KIAA0825: variants seen among roughly 807,000 people sequenced by gnomAD.
The protein encoded by KIAA0825 is uncharacterized protein KIAA0825.
In KIAA0825, 119 loss-of-function variants were observed where a neutral mutation model predicts 147.6. The observed-to-expected ratio is 0.81, with a 90% confidence interval of 0.69 to 0.94. The LOEUF (loss-of-function observed/expected upper bound fraction) is 0.94. Ranked by LOEUF, KIAA0825 falls within the 40% of genes least tolerant of loss-of-function variation. KIAA0825 has a pLI of 0.00. For synonymous variants in KIAA0825, 470 were observed against 518.1 expected, an observed-to-expected ratio of 0.91 and a Z score of 1.26; for missense variants, 1,381 against 1,472.7, an observed-to-expected ratio of 0.94 and a Z score of 1.02.
In KIAA0825 at chr5:94,225,322, G is replaced by C. The variant is rs150539848; in HGVS notation, c.3711-71198C>G. 1.4e-3 allele frequency among the ~76,000 whole-genome samples: 216 copies of C among 152,298 alleles called. 1 individual carries two copies. Among genetic ancestry groups the C allele is most frequent in the African/African-American group, 4.7e-3 (195 of 41,562 alleles). On this transcript the variant is annotated intron_variant, in intron 20 of 20. Coordinates refer to ENST00000682413, the MANE Select transcript of KIAA0825 (RefSeq NM_001145678.3). Reference sequence around the variant, plus strand: ...TCTAGATTGAGAAGACAAAGGAGAAGATTATAACTCTTGGAAATATTGAAA... The same window carrying C: ...TCTAGATTGAGAAGACAAAGGAGAACATTATAACTCTTGGAAATATTGAAA...
rs536616155 is a variant in KIAA0825, at chr5:94,280,816, C to G, written c.3710+103552G>C. On this transcript the variant is annotated intron_variant, in intron 20 of 20. Transcript: ENST00000682413. ...GCAGACGGTTACTAAACACCACCAG[C>G]TGCTCCACAGGTTTGGAGTTTGGAA... Among the ~76,000 whole-genome samples the G allele has an allele frequency of 2.6e-5, 4 of 152,202 alleles. No individual in the cohort carries two copies. In the South Asian group the frequency reaches 6.2e-4, roughly 24 times the overall value.
chr5:94,172,037 T>C (rs1409181876), intron 20 of KIAA0825, among the ~76,000 whole-genome samples: 6 of 152,112 alleles, frequency 3.9e-5, no homozygotes, highest in Admixed American at 3.3e-4. Context: ...TTCTCAGACG[T>C]TGGGGAAATA....
intron 20 of KIAA0825, among the ~76,000 whole-genome samples, chr5:94,232,663 A>C (rs78558153): frequency 3.1e-3 from 473 of 152,248 alleles, no homozygotes; most frequent in Middle Eastern, 0.01. Flanking sequence ...TAGGGTAGAC[A>C]CTTTTGTAAT....
chr5:94,353,004 A>C (rs1242503944), intron 20 of KIAA0825, among the ~76,000 whole-genome samples: 1 of 152,182 alleles, frequency 6.6e-6, no homozygotes, highest in Non-Finnish European at 1.5e-5. Context: ...CGTGCACCAA[A>C]ATCTCACAAA....
At position 94,151,465 on chromosome 5, in the gene KIAA0825, A is replaced by AAGT. The variant is rs1766494153; in HGVS notation, c.*2539_*2541dup. On this transcript the variant is annotated 3_prime_UTR_variant, in exon 21 of 21. Transcript: ENST00000682413. ...AAAAAAAAAAAACATATTGAGTATA[A>AAGT]AGTCAAAATAATCTGATAAATCAAT... Among the ~76,000 whole-genome samples the AAGT allele has an allele frequency of 2.0e-5, 3 of 151,586 alleles. No individual in the cohort carries two copies. In the South Asian group the frequency reaches 6.2e-4, roughly 32 times the overall value.
At position 94,469,958 on chromosome 5, in the gene KIAA0825, C is replaced by CGGAA; in HGVS notation, c.1872+2_1872+3insTTCC. The CGGAA allele has an allele frequency of 1.3e-6, 2 of 1,543,390 alleles. No individual in the cohort carries two copies. The highest frequency in any genetic ancestry group is 1.8e-6 in the Non-Finnish European group (2 of 1,142,546). On this transcript the variant is annotated splice_region_variant and intron_variant, in intron 10 of 20. Coordinates refer to ENST00000682413, the MANE Select transcript of KIAA0825 (RefSeq NM_001145678.3). ...AGGAGGGATAGTAAACTTAACTTCA[C>CGGAA]ACCTCATAAAAAGCTTTGTAGTCAT...
intron 20 of KIAA0825, among the ~76,000 whole-genome samples, chr5:94,371,390 AC>A (rs1312555544): frequency 6.6e-6 from 1 of 152,194 alleles, no homozygotes; most frequent in African/African-American, 2.4e-5. Context: ...TGCTATAGGG[AC>A]ATACCCAAGA....
intron 2 of KIAA0825, among the ~76,000 whole-genome samples, chr5:94,553,693 G>A (rs1302396441): frequency 6.6e-6 from 1 of 151,510 alleles, no homozygotes; most frequent in South Asian, 2.1e-4. Context: ...TTGAACCTGG[G>A]AGGCGGAGGC....
chr5:94,587,968 T>G (rs746503876), intron 1 of KIAA0825, among the ~76,000 whole-genome samples: 1 of 152,154 alleles, frequency 6.6e-6, no homozygotes, highest in Non-Finnish European at 1.5e-5. Flanking sequence ...TAATAAATGG[T>G]GCTGGGAAAA....
chr5:94,390,760 A>G (rs941881476), intron 18 of KIAA0825, among the ~76,000 whole-genome samples: 1 of 152,248 alleles, frequency 6.6e-6, no homozygotes, highest in Non-Finnish European at 1.5e-5. Context: ...ATGTATGGTT[A>G]TAAGGCCTAC....
chr5:94,488,474 A>G (rs1584655944), intron 5 of KIAA0825, among the ~76,000 whole-genome samples: 1 of 152,170 alleles, frequency 6.6e-6, no homozygotes, highest in East Asian at 1.9e-4. Context: ...TTAAATTTTC[A>G]TTTTAGAGAA....
In KIAA0825 at chr5:94,463,463, C is replaced by T. The variant is rs189819069; in HGVS notation, c.2064-894G>A. Among the ~76,000 whole-genome samples the T allele has an allele frequency of 2.8e-3, 425 of 150,056 alleles. 1 individual carries two copies. The highest frequency in any genetic ancestry group is 0.01 in the African/African-American group (413 of 41,134). ...TTAGTTATGTGACATTTGGAGGCTACTGGAATACTAAAAGAATCAATAATA... is the reference window on the plus strand; with the variant it reads ...TTAGTTATGTGACATTTGGAGGCTATTGGAATACTAAAAGAATCAATAATA... On this transcript the variant is annotated intron_variant, in intron 11 of 20. Transcript: ENST00000682413.
intron 20 of KIAA0825, among the ~76,000 whole-genome samples, chr5:94,265,412 A>G (rs1473160395): frequency 1.3e-5 from 2 of 152,206 alleles, no homozygotes; most frequent in African/African-American, 4.8e-5. Flanking sequence ...ACCAATGGTA[A>G]GTAAAATCGC....
chr5:94,275,384 A>G (rs947940481), intron 20 of KIAA0825, among the ~76,000 whole-genome samples: 1 of 152,194 alleles, frequency 6.6e-6, no homozygotes, highest in Non-Finnish European at 1.5e-5. Flanking sequence ...TCATTAAAAC[A>G]TAAAGTAATA....
At chr5:94,397,942 T>G (rs1294237188) in intron 16 of KIAA0825, among the ~76,000 whole-genome samples, 1 of 151,852 alleles carries the variant, frequency 6.6e-6, no homozygotes, top group East Asian at 1.9e-4. Context: ...TTGGCCCTTC[T>G]CTCTCCCTCC....
At chr5:94,207,265 TGTGG>T (rs921016194) in intron 20 of KIAA0825, among the ~76,000 whole-genome samples, 1 of 152,208 alleles carries the variant, frequency 6.6e-6, no homozygotes, top group African/African-American at 2.4e-5. Context: ...TTATGAAATG[TGTGG>T]TCCCCAGAAA....
At chr5:94,451,529 T>G (rs1303369374) in intron 13 of KIAA0825, among the ~76,000 whole-genome samples, 1 of 152,198 alleles carries the variant, frequency 6.6e-6, no homozygotes, top group Non-Finnish European at 1.5e-5. Context: ...CATGTTCTAG[T>G]CTTTGTGTTA....
At chr5:94,334,206 G>A (rs1237025662) in intron 20 of KIAA0825, among the ~76,000 whole-genome samples, 1 of 152,216 alleles carries the variant, frequency 6.6e-6, no homozygotes, top group Non-Finnish European at 1.5e-5. Flanking sequence ...AAAAAAAGTT[G>A]TCTGCCTTCG....
At chr5:94,528,186 C>T (rs1297627135) in intron 3 of KIAA0825, among the ~76,000 whole-genome samples, 1 of 152,170 alleles carries the variant, frequency 6.6e-6, no homozygotes. Flanking sequence ...TCATACGTAT[C>T]CTTTCCTTTC....
Sources: allele counts gnomAD v4.1 joint callset (sites outside exome capture counted in the v4.1 genomes callset), GRCh38; gene constraint gnomAD v4.1.1; transcripts MANE v1.5; gene names NCBI Gene and HGNC (gene_info 2026-07-23, HGNC 2026-07-21).